Variants in LRMDA observed in about 807,000 individuals in gnomAD.
LRMDA encodes the protein leucine-rich melanocyte differentiation-associated protein.
Under a neutral mutation model 29.8 loss-of-function variants are expected in LRMDA, and 18 were observed. The observed-to-expected ratio is 0.60, with a 90% CI of 0.42 to 0.90. LRMDA has a LOEUF of 0.90. LRMDA is among the 40% of genes least tolerant of loss of function. The pLI is 0.00. For synonymous variants in LRMDA, 125 were observed against 109.4 expected, an observed-to-expected ratio of 1.14 and a Z score of -0.89; for missense variants, 273 against 273.9, an observed-to-expected ratio of 1.00 and a Z score of 0.02.
intron 5 of LRMDA, among the ~76,000 whole-genome samples, chr10:76,125,625 G>C (rs1000472994): frequency 6.6e-6 from 1 of 152,196 alleles, no homozygotes; most frequent in Admixed American, 6.5e-5. Context: ...AAGGTAGGGG[G>C]AGAGGCTCCC....
rs1185366542 is a variant in LRMDA at position 76,036,153 on chromosome 10, G to A, written c.258+19G>A. 6.2e-7 allele frequency: 1 copy of A among 1,605,280 alleles called. No individual in the cohort carries two copies. The highest frequency in any genetic ancestry group is 1.3e-5 in the African/African-American group (1 of 74,720). ...GAACCGAATATCCTTTCCTCTGCCC[G>A]CTGCCCCCACTCCCCACCCAGCCCC... On this transcript the variant is annotated intron_variant, in intron 3 of 6. Coordinates refer to ENST00000611255, the MANE Select transcript of LRMDA (RefSeq NM_001305581.2).
At chr10:75,895,878 G>A (rs1303504533) in intron 2 of LRMDA, among the ~76,000 whole-genome samples, 1 of 152,214 alleles carries the variant, frequency 6.6e-6, no homozygotes, top group Non-Finnish European at 1.5e-5. Context: ...TGAGAAATGA[G>A]TATGGTGAAG....
intron 5 of LRMDA, among the ~76,000 whole-genome samples, chr10:76,127,765 A>G (rs1849911432): frequency 1.3e-5 from 2 of 152,216 alleles, no homozygotes; most frequent in Admixed American, 1.3e-4. Flanking sequence ...TTCCTCTTTA[A>G]AGAAAACAAA....
At chr10:75,650,209 G>A (rs1370035005) in intron 2 of LRMDA, among the ~76,000 whole-genome samples, 2 of 152,146 alleles carry the variant, frequency 1.3e-5, no homozygotes, top group Admixed American at 1.3e-4. Flanking sequence ...GTGTCATGAA[G>A]CTTTCCCCCT....
intron 2 of LRMDA, among the ~76,000 whole-genome samples, chr10:75,579,369 C>G (rs1337733672): frequency 6.6e-6 from 1 of 152,114 alleles, no homozygotes; most frequent in Non-Finnish European, 1.5e-5. Flanking sequence ...AAGACTAAAC[C>G]AGGAAGAAGT....
At chr10:76,049,017 C>G (rs1205426137) in intron 4 of LRMDA, among the ~76,000 whole-genome samples, 4 of 152,166 alleles carry the variant, frequency 2.6e-5, no homozygotes, top group African/African-American at 9.7e-5. Context: ...ATCTCAGATG[C>G]CCACTGCCCA....
intron 2 of LRMDA, among the ~76,000 whole-genome samples, chr10:75,461,185 T>C (rs1844579776): frequency 6.6e-6 from 1 of 152,146 alleles, no homozygotes; most frequent in Admixed American, 6.5e-5. Flanking sequence ...TGTATATTTG[T>C]TATGCTAGGT....
chr10:76,007,015 TGTGTGTGTGTGTGTGTGCGC>T (rs1416712403), intron 2 of LRMDA, among the ~76,000 whole-genome samples: 4 of 116,146 alleles, frequency 3.4e-5, no homozygotes, highest in South Asian at 3.4e-4. Context: ...TGTGTGTGTG[TGTGTGTGTGTGTGTGTGCGC>T]GTGTGTGTTT....
At chr10:76,429,467 T>C (rs933951448) in intron 6 of LRMDA, among the ~76,000 whole-genome samples, 7 of 152,170 alleles carry the variant, frequency 4.6e-5, no homozygotes, top group Non-Finnish European at 7.4e-5. Flanking sequence ...TTTAGGTGAT[T>C]GGACGTGGAG....
At chr10:76,426,158 G>C (rs1354537537) in intron 6 of LRMDA, among the ~76,000 whole-genome samples, 1 of 152,170 alleles carries the variant, frequency 6.6e-6, no homozygotes, top group Non-Finnish European at 1.5e-5. Context: ...TCTAGTTCTA[G>C]ATCCCTGCAG....
chr10:75,764,931 G>A (rs1010959216), intron 2 of LRMDA, among the ~76,000 whole-genome samples: 2 of 95,990 alleles, frequency 2.1e-5, no homozygotes, highest in South Asian at 3.4e-4. Flanking sequence ...AGAGACACGT[G>A]TGTGTGTGTG....
chr10:75,801,855 G>C (rs1054909222), intron 2 of LRMDA, among the ~76,000 whole-genome samples: 1 of 152,242 alleles, frequency 6.6e-6, no homozygotes, highest in African/African-American at 2.4e-5. Context: ...TTAGGAGGCA[G>C]TTATGACTGG....
chr10:76,131,735 T>G (rs1209627685), intron 5 of LRMDA, among the ~76,000 whole-genome samples: 2 of 152,164 alleles, frequency 1.3e-5, no homozygotes, highest in Non-Finnish European at 2.9e-5. Context: ...AGACTGAACA[T>G]TTCAAAAATG....
chr10:75,495,503 G>A (rs1589160328), intron 2 of LRMDA, among the ~76,000 whole-genome samples: 2 of 152,244 alleles, frequency 1.3e-5, no homozygotes, highest in Admixed American at 6.5e-5. Flanking sequence ...CCGTACAGAG[G>A]AAAAAGTGAC....
chr10:75,921,288 G>A (rs182011410), intron 2 of LRMDA, among the ~76,000 whole-genome samples: 159 of 152,248 alleles, frequency 1.0e-3, no homozygotes, highest in African/African-American at 3.8e-3. Flanking sequence ...TGGAATATAT[G>A]GTACTTACCC....
chr10:76,421,658 C>T (rs993946497), intron 6 of LRMDA, among the ~76,000 whole-genome samples: 3 of 152,076 alleles, frequency 2.0e-5, no homozygotes, highest in Non-Finnish European at 4.4e-5. Context: ...TTATTTGACT[C>T]TGTTGTATAG....
chr10:75,856,260 C>A (rs1255717202), intron 2 of LRMDA, among the ~76,000 whole-genome samples: 1 of 152,104 alleles, frequency 6.6e-6, no homozygotes, highest in Admixed American at 6.5e-5. Flanking sequence ...GTTTGTAGTT[C>A]TCCTTGAAGA....
chr10:75,687,264 C>CTGGTTAGTCAAGT (rs1241610198), intron 2 of LRMDA, among the ~76,000 whole-genome samples: 2 of 152,214 alleles, frequency 1.3e-5, no homozygotes, highest in African/African-American at 4.8e-5. Flanking sequence ...CTCATGCCAA[C>CTGGTTAGTCAAGT]TGGTTAGTCA....
At chr10:76,039,606 T>C (rs543080639) in intron 3 of LRMDA, among the ~76,000 whole-genome samples, 1 of 152,294 alleles carries the variant, frequency 6.6e-6, no homozygotes, top group Non-Finnish European at 1.5e-5. Context: ...TTTAATCCTT[T>C]AGCAAGAGGG....
Sources: gnomAD v4.1 joint callset for allele counts (sites outside exome capture counted in the v4.1 genomes callset) on GRCh38, gnomAD v4.1.1 for gene constraint, MANE v1.5 for transcripts, NCBI Gene and HGNC (gene_info 2026-07-23, HGNC 2026-07-21) for gene names.